Variants in PRKD1 observed in about 807,000 individuals in gnomAD.
PRKD1 encodes serine/threonine-protein kinase D1.
Under a neutral mutation model 95.9 loss-of-function variants are expected in PRKD1, and 63 were observed. That is an observed-to-expected ratio of 0.66 (90% CI 0.54 to 0.81). The LOEUF (loss-of-function observed/expected upper bound fraction) is 0.81, where lower values mean the gene tolerates loss of function less well. PRKD1 is among the 30% of genes least tolerant of loss of function. PRKD1 has a pLI of 0.00. For synonymous variants in PRKD1, 425 were observed against 423.1 expected (o/e 1.00, Z -0.05); for missense variants, 1,048 against 1,165.3 (o/e 0.90, Z 1.47).
intron 1 of PRKD1, among the ~76,000 whole-genome samples, chr14:29,925,416 C>A (rs1304707681): frequency 2.6e-5 from 4 of 152,130 alleles, no homozygotes; most frequent in African/African-American, 7.2e-5. Flanking sequence ...AATTCAAGGC[C>A]TTTTCATAAC....
chr14:29,731,187 A>C (rs182062172), intron 1 of PRKD1, among the ~76,000 whole-genome samples: 3 of 152,300 alleles, frequency 2.0e-5, no homozygotes, highest in African/African-American at 7.2e-5. Flanking sequence ...TCCCTTGTGA[A>C]TTTCTCTTTA....
chr14:29,619,572 A>G (rs888454840), intron 13 of PRKD1, among the ~76,000 whole-genome samples: 2 of 152,186 alleles, frequency 1.3e-5, no homozygotes, highest in Non-Finnish European at 2.9e-5. Context: ...GGAACTTGCA[A>G]CAAATATAAT....
At chr14:29,639,007 G>T (rs45628837) in intron 4 of PRKD1, 103 bp from the exon 5 acceptor site, 28 of 832,334 alleles carry the variant, frequency 3.4e-5, no homozygotes, top group Non-Finnish European at 7.3e-6. Flanking sequence ...TTAGTACTTT[G>T]ATGTTTAATA....
At position 29,826,846 on chromosome 14, in the gene PRKD1, T is replaced by C. The variant is rs1233725784; in HGVS notation, c.264+100403A>G. Among the ~76,000 whole-genome samples, 505 of 51,748 alleles carry C rather than the reference T, an allele frequency of 9.8e-3. 89 individuals carry two copies. The highest frequency in any genetic ancestry group is 0.014 in the South Asian group (18 of 1,324). 33.9% of individuals were successfully genotyped at this position (51,748 alleles called of 152,430 possible). A position where few individuals can be genotyped will look rare whatever the true frequency, so the allele number is the denominator to read the frequency against. Reference sequence around the variant, plus strand: ...ATATATATATATATATATACACACATATATATATATATATATATATATATA... The same window carrying C: ...ATATATATATATATATATACACACACATATATATATATATATATATATATA... On this transcript the variant is annotated intron_variant, in intron 1 of 17. Coordinates refer to ENST00000331968, the MANE Select transcript of PRKD1 (RefSeq NM_002742.3).
intron 1 of PRKD1, among the ~76,000 whole-genome samples, chr14:29,752,422 T>C (rs753246612): frequency 6.6e-5 from 10 of 152,086 alleles, no homozygotes; most frequent in Non-Finnish European, 1.2e-4. Context: ...ACATAACCAG[T>C]GGAAGTAGGT....
At chr14:29,778,584 C>G (rs1040460708) in intron 1 of PRKD1, among the ~76,000 whole-genome samples, 1 of 152,090 alleles carries the variant, frequency 6.6e-6, no homozygotes. Flanking sequence ...CAAGACTAAA[C>G]CAGGAAAAAG....
intron 2 of PRKD1, among the ~76,000 whole-genome samples, chr14:29,723,156 G>A (rs1885980095): frequency 6.6e-6 from 1 of 152,102 alleles, no homozygotes; most frequent in Admixed American, 6.5e-5. Flanking sequence ...AAGGATGAAT[G>A]AGTACTTAAA....
chr14:29,588,991 T>C (rs1269907983), intron 16 of PRKD1, among the ~76,000 whole-genome samples: 2 of 152,068 alleles, frequency 1.3e-5, no homozygotes, highest in Non-Finnish European at 2.9e-5. Context: ...TGATCTTCTG[T>C]CTGCAGGGGT....
At chr14:29,883,476 T>C (rs1490760306) in intron 1 of PRKD1, among the ~76,000 whole-genome samples, 12 of 152,214 alleles carry the variant, frequency 7.9e-5, no homozygotes, top group Admixed American at 7.2e-4. Flanking sequence ...TATTTTTAGA[T>C]GAAATTTTAT....
intron 1 of PRKD1, among the ~76,000 whole-genome samples, chr14:29,841,154 C>T (rs979016887): frequency 6.6e-6 from 1 of 152,194 alleles, no homozygotes; most frequent in East Asian, 1.9e-4. Context: ...AACGAAGTAA[C>T]TAACTTGCTT....
At chr14:29,848,959 C>T (rs972440267) in intron 1 of PRKD1, among the ~76,000 whole-genome samples, 3 of 151,100 alleles carry the variant, frequency 2.0e-5, no homozygotes, top group Non-Finnish European at 3.0e-5. Flanking sequence ...TCCAAATAAG[C>T]ATAAACAGAA....
intron 1 of PRKD1, among the ~76,000 whole-genome samples, chr14:29,855,086 G>A (rs1278685178): frequency 6.6e-6 from 1 of 152,224 alleles, no homozygotes; most frequent in African/African-American, 2.4e-5. Flanking sequence ...AGGGAAATGT[G>A]GGGTTGGAGC....
At chr14:29,878,341 C>CAAAAA (rs58074850) in intron 1 of PRKD1, among the ~76,000 whole-genome samples, 86 of 49,810 alleles carry the variant, frequency 1.7e-3, no homozygotes, top group East Asian at 7.4e-3. Flanking sequence ...GTTCTAATGA[C>CAAAAA]AAAAAAAAAA....
chr14:29,697,800 T>C (rs1030263870), intron 2 of PRKD1, among the ~76,000 whole-genome samples: 8 of 152,168 alleles, frequency 5.3e-5, no homozygotes, highest in African/African-American at 1.4e-4. Context: ...TATTCCTGTT[T>C]GACATAATGA....
chr14:29,669,475 G>C (rs752667153), intron 2 of PRKD1, among the ~76,000 whole-genome samples: 48 of 151,888 alleles, frequency 3.2e-4, no homozygotes, highest in Non-Finnish European at 5.0e-4. Flanking sequence ...TTACTGTCTA[G>C]AATATTGAAA....
chr14:29,615,739 G>A (rs1327148429), intron 13 of PRKD1, among the ~76,000 whole-genome samples: 1 of 152,284 alleles, frequency 6.6e-6, no homozygotes, highest in Admixed American at 6.5e-5. Flanking sequence ...CAAAGGCTCA[G>A]CAAATCACTT....
intron 6 of PRKD1, among the ~76,000 whole-genome samples, chr14:29,637,168 G>GA (rs1468396401): frequency 6.6e-6 from 1 of 151,434 alleles, no homozygotes; most frequent in African/African-American, 2.4e-5. Context: ...GCCCTGGTGG[G>GA]AAAAAAAAGT....
chr14:29,695,157 C>T (rs961245692), intron 2 of PRKD1, among the ~76,000 whole-genome samples: 3 of 151,510 alleles, frequency 2.0e-5, no homozygotes, highest in Admixed American at 2.0e-4. Context: ...TCACTTGAAC[C>T]CGGGAGGCGG....
chr14:29,888,613 A>G (rs138641491), intron 1 of PRKD1, among the ~76,000 whole-genome samples: 1 of 152,328 alleles, frequency 6.6e-6, no homozygotes, highest in African/African-American at 2.4e-5. Flanking sequence ...AGTCTATGAC[A>G]TCTAAGTTGA....
Sources: gnomAD v4.1 joint callset for allele counts (sites outside exome capture counted in the v4.1 genomes callset) on GRCh38, gnomAD v4.1.1 for gene constraint, MANE v1.5 for transcripts, NCBI Gene and HGNC (gene_info 2026-07-23, HGNC 2026-07-21) for gene names.